The following RHBDD1 variants were observed in gnomAD, a reference collection of about 807,000 sequenced individuals.
RHBDD1 encodes the protein rhomboid-related protein 4.
A neutral mutation model predicts 36.3 loss-of-function variants in RHBDD1; 38 were observed. The ratio of observed to expected loss-of-function variants is 1.05; its 90% CI spans 0.81 to 1.37. The LOEUF (loss-of-function observed/expected upper bound fraction) is 1.37. Among genes scored for constraint, RHBDD1 ranks in the 40% most tolerant of loss-of-function variants. RHBDD1 has a pLI of 0.00. For missense variants in RHBDD1, 393 were observed against 377.6 expected, an observed-to-expected ratio of 1.04 and a Z score of -0.34; for synonymous variants, 151 against 136.5, an observed-to-expected ratio of 1.11 and a Z score of -0.74.
Position 226,914,284 on chromosome 2 carries a change from G to A in RHBDD1, c.789G>A (p.Thr263=), listed in dbSNP as rs758071873. ...AAGAAGCACCCAGGAACTATGACAC[G>A]TACACAGCAGGACTGAGTGAAGAAG... ...HYEEAPRNYD[T]YTAGLSEEEQ... is the part of the protein sequence containing the mutation. Residue 263 remains threonine (T), a synonymous_variant, in exon 8 of 9, where the codon ACG becomes ACA. Transcript: ENST00000392062. 26 of 1,613,790 alleles carry A rather than the reference G, an allele frequency of 1.6e-5. No homozygotes were observed. The highest frequency in any genetic ancestry group is 1.3e-4 in the South Asian group (12 of 91,068).
chr2:226,995,480 AG>A lies in RHBDD1; in HGVS notation c.907del (p.Glu303LysfsTer2), dbSNP rs745562977. On this transcript the variant is annotated frameshift_variant, in exon 9 of 9. Transcript: ENST00000392062. LOFTEE classifies it high-confidence loss of function. ...CCTACGGGTTTCATCTCTCACCAGAAGAAATGAGGAGACAGCGGCTTCACAG... is the reference window on the plus strand; with the variant it reads ...CCTACGGGTTTCATCTCTCACCAGAAAAATGAGGAGACAGCGGCTTCACAG... The part of the protein sequence containing the change: ...PPYGFHLSPE[E>X]MRRQRLHRFD... The A allele has an allele frequency of 9.3e-6, 15 of 1,613,214 alleles. No homozygotes were observed. Among genetic ancestry groups the A allele is most frequent in the East Asian group, 2.2e-5 (1 of 44,896 alleles).
chr2:226,977,344 C>G (rs936911938), intron 8 of RHBDD1, among the ~76,000 whole-genome samples: 1 of 152,160 alleles, frequency 6.6e-6, no homozygotes, highest in East Asian at 1.9e-4. Context: ...GCTTTTCAGC[C>G]TTGTCTGCCC....
chr2:226,867,395 T>A, intron 5 of RHBDD1, 77 bp downstream of exon 5: 27 of 1,227,610 alleles, frequency 2.2e-5, no homozygotes, highest in Non-Finnish European at 2.8e-5. Context: ...AATAATGAGG[T>A]AACCAATTGT....
intron 8 of RHBDD1, among the ~76,000 whole-genome samples, chr2:226,927,864 A>T (rs1441234004): frequency 1.3e-5 from 2 of 152,202 alleles, no homozygotes; most frequent in South Asian, 4.1e-4. Context: ...GCTTCATAAG[A>T]TAGGTGATTT....
intron 8 of RHBDD1, among the ~76,000 whole-genome samples, chr2:226,949,798 C>T (rs1053986796): frequency 2.0e-5 from 3 of 152,092 alleles, no homozygotes; most frequent in East Asian, 1.9e-4. Flanking sequence ...ATGGCCTTTC[C>T]CCCGTGTCCT....
chr2:226,889,354 C>T (rs1946495261), intron 5 of RHBDD1, among the ~76,000 whole-genome samples: 1 of 152,082 alleles, frequency 6.6e-6, no homozygotes, highest in Non-Finnish European at 1.5e-5. Context: ...TTGAGGTCCC[C>T]CTTTGATCAG....
chr2:226,847,717 A>G, intron 3 of RHBDD1, among the ~76,000 whole-genome samples: 1 of 152,266 alleles, frequency 6.6e-6, no homozygotes, highest in Non-Finnish European at 1.5e-5. Context: ...TATATCTGCA[A>G]ACGTCATTCT....
chr2:226,983,863 C>G (rs925404075), intron 8 of RHBDD1, among the ~76,000 whole-genome samples: 1 of 152,202 alleles, frequency 6.6e-6, no homozygotes, highest in Non-Finnish European at 1.5e-5. Flanking sequence ...AAAAATAAAA[C>G]AGGTCTAAAT....
upstream of RHBDD1, among the ~76,000 whole-genome samples, chr2:226,834,417 G>A (rs544108823): frequency 2.0e-5 from 3 of 152,296 alleles, no homozygotes; most frequent in African/African-American, 7.2e-5. Context: ...TTGAGCTTTT[G>A]GAGGAGTATA....
chr2:226,875,886 T>G (rs1945196453), intron 5 of RHBDD1, among the ~76,000 whole-genome samples: 1 of 152,234 alleles, frequency 6.6e-6, no homozygotes, highest in Non-Finnish European at 1.5e-5. Flanking sequence ...TCATGTGGTG[T>G]TCTGTGTTCC....
At chr2:226,915,552 A>G (rs1386909081) in intron 8 of RHBDD1, among the ~76,000 whole-genome samples, 4 of 152,218 alleles carry the variant, frequency 2.6e-5, no homozygotes, top group African/African-American at 9.6e-5. Flanking sequence ...TCTGCGAAGA[A>G]GATTGAGCAC....
chr2:226,818,305 G>A, the RHBDD1 span, among the ~76,000 whole-genome samples: 4 of 150,220 alleles, frequency 2.7e-5, no homozygotes, highest in Admixed American at 6.6e-5. Context: ...GACTACAGGC[G>A]CCCGCCACCA....
chr2:226,959,858 T>C (rs1174834433), intron 8 of RHBDD1, among the ~76,000 whole-genome samples: 1 of 152,164 alleles, frequency 6.6e-6, no homozygotes, highest in African/African-American at 2.4e-5. Flanking sequence ...AGTCTCGCTG[T>C]GTTGCCCAGG....
intron 8 of RHBDD1, among the ~76,000 whole-genome samples, chr2:226,972,841 A>G (rs1953822520): frequency 6.6e-6 from 1 of 151,652 alleles, no homozygotes; most frequent in South Asian, 2.1e-4. Flanking sequence ...GTTGGGTTAT[A>G]GGTAAGTACA....
chr2:226,945,716 C>T lies in RHBDD1; in HGVS notation c.856+31365C>T, dbSNP rs151134081. 1.6e-3 allele frequency among the ~76,000 whole-genome samples: 236 copies of T among 152,182 alleles called. 1 individual carries two copies. The highest frequency in any genetic ancestry group is 3.4e-3 in the Middle Eastern group (1 of 294). ...TCCAATGGTATTTCTGGTTCTAGAT[C>T]CTTGAGGAATCACCACACTGTCTTC... On this transcript the variant is annotated intron_variant, in intron 8 of 8. Transcript: ENST00000392062.
chr2:226,804,827 G>T, the RHBDD1 span: 3 of 152,134 alleles, frequency 2.0e-5, no homozygotes, highest in Non-Finnish European at 4.4e-5. Context: ...GATTTGGGGA[G>T]TGGTGAAGAG....
chr2:226,992,663 T>TG (rs1958505531), intron 8 of RHBDD1, among the ~76,000 whole-genome samples: 1 of 152,228 alleles, frequency 6.6e-6, no homozygotes, highest in Non-Finnish European at 1.5e-5. Context: ...CTGGAACTTC[T>TG]TATTTTTCTG....
In RHBDD1 at chr2:226,843,598, C is replaced by T. The variant is rs182426374; in HGVS notation, c.-91+3971C>T. On this transcript the variant is annotated intron_variant, in intron 3 of 8. Transcript: ENST00000392062. Reference sequence around the variant, plus strand: ...TATTAATTTGTATATGTTGAACCAACCTGGCACCCCGGGATGAAGCCAACT... The same window carrying T: ...TATTAATTTGTATATGTTGAACCAATCTGGCACCCCGGGATGAAGCCAACT... Among the ~76,000 whole-genome samples, 141 of 152,288 alleles carry T rather than the reference C, an allele frequency of 9.3e-4. 2 individuals carry two copies. Among genetic ancestry groups the T allele is most frequent in the Middle Eastern group, 3.4e-3 (1 of 294 alleles).
intron 8 of RHBDD1, among the ~76,000 whole-genome samples, chr2:226,958,154 A>G (rs1951907292): frequency 6.6e-6 from 1 of 152,282 alleles, no homozygotes; most frequent in Non-Finnish European, 1.5e-5. Context: ...TCAAATTGAT[A>G]AATAAAATGT....
Sources: gnomAD v4.1 joint callset for allele counts (sites outside exome capture counted in the v4.1 genomes callset) on GRCh38, gnomAD v4.1.1 for gene constraint, MANE v1.5 for transcripts, NCBI Gene and HGNC (gene_info 2026-07-23, HGNC 2026-07-21) for gene names.